OR3A2: variants seen among roughly 807,000 people sequenced by gnomAD.
The protein encoded by OR3A2 is olfactory receptor 3A2.
For synonymous variants in OR3A2, 126 were observed against 159.3 expected (o/e 0.79, Z 1.57); for missense variants, 318 against 392.8 (o/e 0.81, Z 1.61).
At chr17:3,293,769 T>A (rs1390132066) in intron 3 of OR3A2, among the ~76,000 whole-genome samples, 1 of 152,158 alleles carries the variant, frequency 6.6e-6, no homozygotes, top group African/African-American at 2.4e-5. Flanking sequence ...CGGAATACTA[T>A]GCAGCCATGA....
At chr17:3,282,865 T>C (rs889959919) in intron 1 of OR3A2, among the ~76,000 whole-genome samples, 2 of 152,252 alleles carry the variant, frequency 1.3e-5, no homozygotes, top group Non-Finnish European at 2.9e-5. Flanking sequence ...TTGCTCATGC[T>C]GTTTTCCCCA....
chr17:3,319,446 T>C (rs923969405), intron 3 of OR3A2, among the ~76,000 whole-genome samples: 10 of 152,292 alleles, frequency 6.6e-5, no homozygotes, highest in African/African-American at 2.4e-4. Flanking sequence ...TACATATGTA[T>C]ACATGCGCCA....
intron 2 of OR3A2, among the ~76,000 whole-genome samples, chr17:3,349,219 T>G (rs943495733): frequency 1.3e-5 from 2 of 152,076 alleles, no homozygotes; most frequent in African/African-American, 2.4e-5. Context: ...ATGCTCCAAT[T>G]AAAAGACACA....
intron 3 of OR3A2, among the ~76,000 whole-genome samples, chr17:3,322,409 A>G (rs900642992): frequency 2.0e-5 from 3 of 151,894 alleles, no homozygotes; most frequent in South Asian, 2.1e-4. Flanking sequence ...CTTGCCTTCT[A>G]CTAGCTTTTG....
At chr17:3,289,935 A>AG (rs2048850214) in intron 3 of OR3A2, among the ~76,000 whole-genome samples, 1 of 152,160 alleles carries the variant, frequency 6.6e-6, no homozygotes, top group African/African-American at 2.4e-5. Flanking sequence ...CTCAAAAGGT[A>AG]GGGAGTGTTA....
chr17:3,293,029 C>T (rs2048889698), intron 3 of OR3A2, among the ~76,000 whole-genome samples: 1 of 151,750 alleles, frequency 6.6e-6, no homozygotes, highest in Non-Finnish European at 1.5e-5. Context: ...AGTAAGTGTC[C>T]ACAACCCCAA....
intron 2 of OR3A2, among the ~76,000 whole-genome samples, chr17:3,342,084 G>A (rs930010067): frequency 4.0e-5 from 6 of 151,804 alleles, no homozygotes; most frequent in African/African-American, 7.2e-5. Context: ...CATGCGTCAC[G>A]TAGTTCTTGT....
chr17:3,363,710 A>G (rs1056778194), intron 2 of OR3A2, among the ~76,000 whole-genome samples: 1 of 152,188 alleles, frequency 6.6e-6, no homozygotes, highest in Non-Finnish European at 1.5e-5. Context: ...TCACACTGCT[A>G]TAAAGAACTA....
chr17:3,322,571 G>A (rs1037876337), intron 3 of OR3A2, among the ~76,000 whole-genome samples: 2 of 152,104 alleles, frequency 1.3e-5, no homozygotes, highest in African/African-American at 4.8e-5. Context: ...GGTATGTTGT[G>A]TGTTTGATCC....
At chr17:3,330,535 C>A (rs1260026984) in intron 3 of OR3A2, among the ~76,000 whole-genome samples, 1 of 151,958 alleles carries the variant, frequency 6.6e-6, no homozygotes, top group African/African-American at 2.4e-5. Flanking sequence ...GATTGCAACC[C>A]CTGCCTTTTT....
exon 2 of OR3A2, chr17:3,278,059 T>G: frequency 6.2e-7 from 1 of 1,614,118 alleles, no homozygotes; most frequent in Non-Finnish European, 8.5e-7. Context: ...GGGTTCAGCA[T>G]AGGGTTGATA....
intron 3 of OR3A2, chr17:3,292,585 G>A: frequency 2.5e-6 from 4 of 1,593,414 alleles, no homozygotes; most frequent in Non-Finnish European, 3.4e-6. Flanking sequence ...GGCTGCATGA[G>A]TTCCTGCAAA....
intron 3 of OR3A2, among the ~76,000 whole-genome samples, chr17:3,335,617 A>C (rs2049270512): frequency 6.6e-6 from 1 of 152,184 alleles, no homozygotes; most frequent in Non-Finnish European, 1.5e-5. Flanking sequence ...ACACAATAAC[A>C]ATCACCCCCA....
intron 2 of OR3A2, among the ~76,000 whole-genome samples, chr17:3,381,659 A>G (rs112405461): frequency 6.6e-6 from 1 of 152,234 alleles, no homozygotes; most frequent in Non-Finnish European, 1.5e-5. Flanking sequence ...TGGAGAAAAA[A>G]AAATGAAGCT....
At chr17:3,370,911 C>T (rs2049610462) in intron 2 of OR3A2, among the ~76,000 whole-genome samples, 1 of 152,134 alleles carries the variant, frequency 6.6e-6, no homozygotes, top group East Asian at 1.9e-4. Context: ...TGAGTGGACA[C>T]AGCACATGTT....
chr17:3,350,229 T>C (rs2049408005), intron 2 of OR3A2, among the ~76,000 whole-genome samples: 1 of 151,950 alleles, frequency 6.6e-6, no homozygotes, highest in African/African-American at 2.4e-5. Flanking sequence ...CTTCAAAAAA[T>C]TAACGAATCC....
chr17:3,291,979 G>C, intron 3 of OR3A2: 1 of 1,614,230 alleles, frequency 6.2e-7, no homozygotes, highest in Non-Finnish European at 8.5e-7. Context: ...ACAGCAAAAA[G>C]CAGCAGCTCA....
In OR3A2 at chr17:3,320,946, T is replaced by C. The variant is rs575659273; in HGVS notation, c.-85+15087A>G. Among the ~76,000 whole-genome samples the C allele has an allele frequency of 9.2e-5, 14 of 152,186 alleles. No individual in the cohort carries two copies. The East Asian group carries it at 1.7e-3, about 19-fold the overall frequency. Reference sequence around the variant, plus strand: ...CATTGGTAGCTTGATGGGGATGGCATTGAATCTATAAATTACCTTGGGCAG... The same window carrying C: ...CATTGGTAGCTTGATGGGGATGGCACTGAATCTATAAATTACCTTGGGCAG... On this transcript the variant is annotated intron_variant, in intron 3 of 4. Coordinates refer to the OR3A2 transcript ENST00000573491.
intron 2 of OR3A2, among the ~76,000 whole-genome samples, chr17:3,357,849 TG>T (rs2049476038): frequency 7.2e-6 from 1 of 139,510 alleles, no homozygotes; most frequent in African/African-American, 2.7e-5. Context: ...CTGCCACTGC[TG>T]GGAAAAATGG....
Sources: gnomAD v4.1 joint callset for allele counts (sites outside exome capture counted in the v4.1 genomes callset) on GRCh38, gnomAD v4.1.1 for gene constraint, MANE v1.5 for transcripts, NCBI Gene and HGNC (gene_info 2026-07-23, HGNC 2026-07-21) for gene names.